The following ARHGAP6 variants were observed in gnomAD, a reference collection of about 807,000 sequenced individuals.
The protein encoded by ARHGAP6 is rho GTPase-activating protein 6.
In ARHGAP6, 16 loss-of-function variants were observed where a neutral mutation model predicts 55.7. The ratio of observed to expected loss-of-function variants is 0.29; its 90% CI spans 0.19 to 0.44. The LOEUF (loss-of-function observed/expected upper bound fraction) is 0.44. ARHGAP6 is among the 20% of genes least tolerant of loss of function. ARHGAP6 has a pLI of 1.00. For missense variants in ARHGAP6, 698 were observed against 808.9 expected, an observed-to-expected ratio of 0.86 and a Z score of 1.66; for synonymous variants, 382 against 360.9, an observed-to-expected ratio of 1.06 and a Z score of -0.66.
At chrX:11,394,855 C>T (rs1041949368) in intron 1 of ARHGAP6, among the ~76,000 whole-genome samples, 2 of 111,804 alleles carry the variant, frequency 1.8e-5, no homozygotes, top group Admixed American at 9.5e-5. Context: ...AAAAAGGCAT[C>T]TGAACAACTA....
intron 2 of ARHGAP6, among the ~76,000 whole-genome samples, chrX:11,219,010 T>G (rs748250420): frequency 9.5e-6 from 1 of 105,154 alleles, no homozygotes; most frequent in South Asian, 4.7e-4. Flanking sequence ...TAGCATTAGG[T>G]ATATCTCCCA....
intron 2 of ARHGAP6, among the ~76,000 whole-genome samples, chrX:11,241,443 T>A (rs2047277156): frequency 9.1e-6 from 1 of 110,196 alleles, no homozygotes; most frequent in South Asian, 3.9e-4. Flanking sequence ...GGGAAAATAA[T>A]AATTGTGGAA....
At chrX:11,354,292 TCTTTCTC>T (rs2048900026) in intron 1 of ARHGAP6, among the ~76,000 whole-genome samples, 2 of 69,480 alleles carry the variant, frequency 2.9e-5, no homozygotes, top group East Asian at 5.7e-4. Context: ...TCTCTCTCTC[TCTTTCTC>T]TCTCTCTCTC....
At chrX:11,338,406 T>C (rs1202234367) in intron 1 of ARHGAP6, among the ~76,000 whole-genome samples, 1 of 111,798 alleles carries the variant, frequency 8.9e-6, no homozygotes, top group African/African-American at 3.3e-5. Context: ...ATACTATAAA[T>C]GCAAGCTCTT....
At chrX:11,376,862 G>A (rs2049206885) in intron 1 of ARHGAP6, among the ~76,000 whole-genome samples, 1 of 111,144 alleles carries the variant, frequency 9.0e-6, no homozygotes, top group African/African-American at 3.3e-5. Flanking sequence ...GACAAGGGGG[G>A]CCCAGAGAGG....
chrX:11,335,489 G>A (rs1264334611), intron 1 of ARHGAP6, among the ~76,000 whole-genome samples: 3 of 111,325 alleles, frequency 2.7e-5, no homozygotes, highest in African/African-American at 9.8e-5. Flanking sequence ...TTCTGTTCTT[G>A]TGATAGTTTG....
At chrX:11,260,066 A>G (rs1372623314) in intron 1 of ARHGAP6, among the ~76,000 whole-genome samples, 1 of 111,064 alleles carries the variant, frequency 9.0e-6, no homozygotes. Context: ...AAAATGTGAT[A>G]ATGGAAGCAG....
intron 2 of ARHGAP6, among the ~76,000 whole-genome samples, chrX:11,201,832 G>A (rs2046626018): frequency 9.0e-6 from 1 of 111,249 alleles, no homozygotes; most frequent in Admixed American, 9.6e-5. Flanking sequence ...AATTCCCACT[G>A]GGTCCCTCCC....
chrX:11,515,936 G>T (rs1429586421), intron 1 of ARHGAP6, among the ~76,000 whole-genome samples: 1 of 112,283 alleles, frequency 8.9e-6, no homozygotes, highest in Non-Finnish European at 1.9e-5. Context: ...CACCCCCCAG[G>T]GGTGTTTCAC....
chrX:11,354,279 CTCTCTCTCTCTCTCTT>C (rs1304926561), intron 1 of ARHGAP6, among the ~76,000 whole-genome samples: 79 of 80,800 alleles, frequency 9.8e-4, no homozygotes, highest in African/African-American at 2.9e-3. Flanking sequence ...CTCTCTCTCT[CTCTCTCTCTCTCTCTT>C]TCTCTCTCTC....
At chrX:11,187,240 CAAAT>C (rs1423368626) in intron 4 of ARHGAP6, among the ~76,000 whole-genome samples, 1 of 111,140 alleles carries the variant, frequency 9.0e-6, no homozygotes, top group Non-Finnish European at 1.9e-5. Flanking sequence ...AAGCCCTCAG[CAAAT>C]AAATAAGGTG....
chrX:11,310,884 A>G (rs1307841905), intron 1 of ARHGAP6, among the ~76,000 whole-genome samples: 1 of 111,531 alleles, frequency 9.0e-6, no homozygotes, highest in Non-Finnish European at 1.9e-5. Flanking sequence ...CCTTCTCTCC[A>G]TGTCTATGGT....
intron 1 of ARHGAP6, among the ~76,000 whole-genome samples, chrX:11,388,634 C>A (rs868555299): frequency 8.1e-5 from 9 of 111,570 alleles, no homozygotes; most frequent in African/African-American, 2.9e-4. Context: ...TTGCCCATGC[C>A]TATGTCCTGA....
chrX:11,372,726 C>T (rs2049156885), intron 1 of ARHGAP6, among the ~76,000 whole-genome samples: 1 of 94,263 alleles, frequency 1.1e-5, no homozygotes, highest in Non-Finnish European at 2.0e-5. Context: ...GAGCCAAGAT[C>T]GCGCCACTGT....
At chrX:11,336,672 G>T (rs937737651) in intron 1 of ARHGAP6, among the ~76,000 whole-genome samples, 1 of 111,851 alleles carries the variant, frequency 8.9e-6, no homozygotes, top group Non-Finnish European at 1.9e-5. Flanking sequence ...GCGTGAAATG[G>T]TTACTATTTG....
chrX:11,456,371 GTCCAAGATTTT>G (rs2147812618), intron 1 of ARHGAP6, among the ~76,000 whole-genome samples: 1 of 111,631 alleles, frequency 9.0e-6, no homozygotes, highest in Non-Finnish European at 1.9e-5. Flanking sequence ...GGGTCCAAGT[GTCCAAGATTTT>G]CTTCGAGGAA....
Position 11,521,300 on chromosome X carries a change from T to C in ARHGAP6, c.588+142941A>G, listed in dbSNP as rs569915278. 3.6e-5 allele frequency among the ~76,000 whole-genome samples: 4 copies of C among 112,228 alleles called. No homozygotes were observed. In the South Asian group the frequency reaches 1.1e-3, roughly 31 times the overall value. ...GGTTTTTATGGTTTTAGGTCTAACA[T>C]TTAAGTCTTTCATCCATCTTGAATT... On this transcript the variant is annotated intron_variant, in intron 1 of 12. Transcript: ENST00000337414.
intron 1 of ARHGAP6, among the ~76,000 whole-genome samples, chrX:11,662,693 C>T (rs776369010): frequency 4.4e-5 from 5 of 112,622 alleles, no homozygotes; most frequent in African/African-American, 1.6e-4. Flanking sequence ...CATCTGTATA[C>T]TATATTCCAA....
At chrX:11,566,057 C>T (rs1283031371) in intron 1 of ARHGAP6, among the ~76,000 whole-genome samples, 1 of 112,250 alleles carries the variant, frequency 8.9e-6, no homozygotes, top group African/African-American at 3.2e-5. Context: ...TTCCTCTTCA[C>T]CCCAGATACG....
Sources: allele counts gnomAD v4.1 joint callset (sites outside exome capture counted in the v4.1 genomes callset), GRCh38; gene constraint gnomAD v4.1.1; transcripts MANE v1.5; gene names NCBI Gene and HGNC (gene_info 2026-07-23, HGNC 2026-07-21).